ESRRA: variants seen among roughly 807,000 people sequenced by gnomAD.
The protein encoded by ESRRA is steroid hormone receptor ERR1.
ESRRA carries 7 observed loss-of-function variants against 35.6 expected under a neutral mutation model. The ratio of observed to expected loss-of-function variants is 0.20; its 90% CI spans 0.11 to 0.37. The LOEUF (loss-of-function observed/expected upper bound fraction) is 0.37, where lower values mean the gene tolerates loss of function less well. Ranked by LOEUF, ESRRA falls within the 10% of genes least tolerant of loss-of-function variation. The pLI, the probability that ESRRA is intolerant of heterozygous loss-of-function variation, is 1.00. For missense variants in ESRRA, 378 were observed against 561.7 expected (o/e 0.67, Z 3.31); for synonymous variants, 223 against 246.9 (o/e 0.90, Z 0.91).
Position 64,313,270 on chromosome 11 carries a change from C to T in ESRRA, c.326-681C>T, listed in dbSNP as rs555440196. Among the ~76,000 whole-genome samples, 52 of 152,272 alleles carry T rather than the reference C, an allele frequency of 3.4e-4. No homozygotes were observed. Among genetic ancestry groups the T allele is most frequent in the African/African-American group, 1.1e-3 (47 of 41,550 alleles). ...AGGTTTCTTCTTGGGCAAGTGAACACGTGGAGTCCACGTAGGCTGTGTTCG... is the reference window on the plus strand; with the variant it reads ...AGGTTTCTTCTTGGGCAAGTGAACATGTGGAGTCCACGTAGGCTGTGTTCG... On this transcript the variant is annotated intron_variant, in intron 2 of 6. Coordinates refer to ENST00000000442, the MANE Select transcript of ESRRA (RefSeq NM_004451.5). The surrounding 1 kb of genome is among the most constrained non-coding windows in gnomAD (Gnocchi z 4.0).
Position 64,313,832 on chromosome 11 carries a change from C to A in ESRRA, c.326-119C>A. 1.5e-6 allele frequency: 1 copy of A among 661,720 alleles called. No individual in the cohort carries two copies. Among genetic ancestry groups the A allele is most frequent in the Admixed American group, 3.0e-5 (1 of 33,402 alleles). The allele number at this position is 661,720 out of a possible 1,614,324, so 41.0% of individuals were successfully genotyped here. A position where few individuals can be genotyped will look rare whatever the true frequency, so the allele number is the denominator to read the frequency against. ...TGCCTGCTCATGGCCCCCTGCTCTC[C>A]CTTTCCTCCCCATACCCCCAGACCT... On this transcript the variant is annotated intron_variant, in intron 2 of 6. Transcript: ENST00000000442. The surrounding 1 kb of genome is among the most constrained non-coding windows in gnomAD (Gnocchi z 4.0).
chr11:64,312,329 G>A (rs1416346367), intron 2 of ESRRA, among the ~76,000 whole-genome samples: 7 of 151,720 alleles, frequency 4.6e-5, no homozygotes, highest in African/African-American at 1.7e-4. Context: ...TAGTAGAGAC[G>A]GGGTTTTACC....
chr11:64,310,695 C>A (rs1195169278), intron 2 of ESRRA, among the ~76,000 whole-genome samples: 1 of 151,826 alleles, frequency 6.6e-6, no homozygotes, highest in Non-Finnish European at 1.5e-5. Context: ...TTACAGGCGC[C>A]TGCCACCATG....
At chr11:64,312,938 A>T (rs2035171304) in intron 2 of ESRRA, among the ~76,000 whole-genome samples, 1 of 152,186 alleles carries the variant, frequency 6.6e-6, no homozygotes, top group Non-Finnish European at 1.5e-5. Flanking sequence ...GCAGGGGCGT[A>T]GGCCTAGGAG....
intron 2 of ESRRA, among the ~76,000 whole-genome samples, chr11:64,309,577 C>T (rs559216169): frequency 1.3e-4 from 20 of 151,394 alleles, no homozygotes; most frequent in African/African-American, 4.4e-4. Flanking sequence ...CTATTATTTC[C>T]GTTATTTCTG....
At chr11:64,314,178 G>C in intron 3 of ESRRA, 61 bp from the exon 4 acceptor site, 1 of 1,571,764 alleles carries the variant, frequency 6.4e-7, no homozygotes, top group Non-Finnish European at 8.6e-7. Flanking sequence ...CAGCTCTGGA[G>C]AGCAAGCCCC....
rs752474184 is a variant in ESRRA, at chr11:64,315,805, G to A, written c.1111G>A (p.Gly371Arg). The A allele has an allele frequency of 6.2e-7, 1 of 1,612,490 alleles. No homozygotes were observed. Among genetic ancestry groups the A allele is most frequent in the Non-Finnish European group, 8.5e-7 (1 of 1,179,004 alleles). The change falls in exon 7 of 7, where the codon GGG becomes AGG. Residue 371 changes from glycine (G) to arginine (R), a missense_variant. This residue lies in a region of ESRRA where 284 missense variants were observed against 411.7 expected (regional missense o/e 0.69). Transcript: ENST00000000442. ...TGAAGCCGGCCGGGCTGGCCCCGGAGGGGGTGCTGAGCGGCGGCGGGCGGG... is the reference window on the plus strand; with the variant it reads ...TGAAGCCGGCCGGGCTGGCCCCGGAAGGGGTGCTGAGCGGCGGCGGGCGGG... ...EYEAGRAGPG[G>R]GAERRRAGRL... is the part of the protein sequence containing the mutation.
rs755538454 is a variant in ESRRA, at chr11:64,315,971, A to C, written c.*5A>C. 1 of 1,559,050 alleles carries C rather than the reference A, an allele frequency of 6.4e-7. No individual in the cohort carries two copies. Among genetic ancestry groups the C allele is most frequent in the Non-Finnish European group, 8.7e-7 (1 of 1,147,916 alleles). On this transcript the variant is annotated 3_prime_UTR_variant, in exon 7 of 7. Coordinates refer to ENST00000000442, the MANE Select transcript of ESRRA (RefSeq NM_004451.5). ...CTCGAGGCCATGATGGACTGAGGCAAGGGGTGGGACTGGTGGGGGTTCTGG... is the reference window on the plus strand; with the variant it reads ...CTCGAGGCCATGATGGACTGAGGCACGGGGTGGGACTGGTGGGGGTTCTGG...
chr11:64,315,147 G>A lies in ESRRA; in HGVS notation c.889G>A (p.Ala297Thr). 1 of 1,612,840 alleles carries A rather than the reference G, an allele frequency of 6.2e-7. No homozygotes were observed. The highest frequency in any genetic ancestry group is 8.5e-7 in the Non-Finnish European group (1 of 1,180,014). Residue 297 changes from alanine (A) to threonine (T), a missense_variant, in exon 6 of 7, where the codon GCA becomes ACA. By Grantham distance (58) the Ala-to-Thr change is moderately conservative. Transcript: ENST00000000442. Reference sequence around the variant, plus strand: ...GGACTTAGTCCTGGATGAAGAGGGGGCACGGGCAGCTGGCCTGGGGGAACT... The same window carrying A: ...GGACTTAGTCCTGGATGAAGAGGGGACACGGGCAGCTGGCCTGGGGGAACT... ...AEDLVLDEEG[A>T]RAAGLGELGA... is the part of the protein sequence containing the mutation.
At position 64,316,740 on chromosome 11, in the gene ESRRA, A is replaced by G. The variant is rs760509012; in HGVS notation, c.*774A>G. On this transcript the variant is annotated 3_prime_UTR_variant, in exon 7 of 7. Transcript: ENST00000000442. Reference sequence around the variant, plus strand: ...AAAAAAATATATAATACCGAGCTCAAAAACACTGTGTTTGGTGTCATTGGG... The same window carrying G: ...AAAAAAATATATAATACCGAGCTCAGAAACACTGTGTTTGGTGTCATTGGG... 1 of 708,604 alleles carries G rather than the reference A, an allele frequency of 1.4e-6. No individual in the cohort carries two copies. The highest frequency in any genetic ancestry group is 2.5e-6 in the Non-Finnish European group (1 of 399,220). 43.9% of individuals were successfully genotyped at this position (708,604 alleles called of 1,614,324 possible). A position where few individuals can be genotyped will look rare whatever the true frequency, so the allele number is the denominator to read the frequency against.
chr11:64,310,579 CTTG>C lies in ESRRA; in HGVS notation c.325+3080_325+3082del, dbSNP rs201133166. ...TTTTTTTTTGAGATGGAGTTTTGCT[CTTG>C]TTGTCCAGGCTGGAGTGCAACGGCC... On this transcript the variant is annotated intron_variant, in intron 2 of 6. Coordinates refer to ENST00000000442, the MANE Select transcript of ESRRA (RefSeq NM_004451.5). 8.0e-3 allele frequency among the ~76,000 whole-genome samples: 756 copies of C among 94,626 alleles called. 57 individuals carry two copies. The South Asian group carries it at 0.19, about 24-fold the overall frequency. 62.1% of individuals were successfully genotyped at this position (94,626 alleles called of 152,430 possible). A position where few individuals can be genotyped will look rare whatever the true frequency, so the allele number is the denominator to read the frequency against.
At chr11:64,309,220 G>C (rs1158636129) in intron 2 of ESRRA, among the ~76,000 whole-genome samples, 5 of 151,988 alleles carry the variant, frequency 3.3e-5, no homozygotes, top group Non-Finnish European at 5.9e-5. Flanking sequence ...GGATCACGAG[G>C]TCAGGAGTTC....
rs887305726 is a variant in ESRRA, at chr11:64,316,151, T to C, written c.*185T>C. 9 of 656,254 alleles carry C rather than the reference T, an allele frequency of 1.4e-5. No homozygotes were observed. The Admixed American group carries it at 1.6e-4, about 12-fold the overall frequency. 40.7% of individuals were successfully genotyped at this position (656,254 alleles called of 1,614,324 possible). A position where few individuals can be genotyped will look rare whatever the true frequency, so the allele number is the denominator to read the frequency against. The stretch of plus-strand genomic sequence containing the variant: ...CCCCCTCCTAGGGGGTGTCAGAAGC[T>C]GGGAACGTGTGTCCAGGCTCTGGGC... On this transcript the variant is annotated 3_prime_UTR_variant, in exon 7 of 7. Coordinates refer to ENST00000000442, the MANE Select transcript of ESRRA (RefSeq NM_004451.5).
chr11:64,314,319 C>T lies in ESRRA; in HGVS notation c.523C>T (p.Pro175Ser). ...GGTGGACCCACTGCCCTTCCCGGGC[C>T]CCTTCCCTGCTGGGCCCCTGGCAGT... ...PEVDPLPFPGPFPAGPLAVAG... is the reference protein window; with the variant it reads ...PEVDPLPFPGSFPAGPLAVAG... The change falls in exon 4 of 7, where the codon CCC becomes TCC. Residue 175 changes from proline (P) to serine (S), a missense_variant. Physicochemically the swap from Pro to Ser is moderately conservative, Grantham distance 74. This residue lies in a region of ESRRA where 284 missense variants were observed against 411.7 expected (regional missense o/e 0.69). Transcript: ENST00000000442. 6.2e-7 allele frequency: 1 copy of T among 1,606,694 alleles called. No individual in the cohort carries two copies. The highest frequency in any genetic ancestry group is 8.5e-7 in the Non-Finnish European group (1 of 1,177,056).
At position 64,314,330 on chromosome 11, in the gene ESRRA, T is replaced by C. The variant is rs761970168; in HGVS notation, c.534T>C (p.Ala178=). The C allele has an allele frequency of 1.7e-5, 27 of 1,602,664 alleles. No homozygotes were observed. In the Admixed American group the frequency reaches 1.9e-4, roughly 11 times the overall value. Residue 178 remains alanine, a synonymous_variant, in exon 4 of 7, where the codon GCT becomes GCC. Coordinates refer to ENST00000000442, the MANE Select transcript of ESRRA (RefSeq NM_004451.5). ...TGCCCTTCCCGGGCCCCTTCCCTGC[T>C]GGGCCCCTGGCAGTCGCTGGAGGCC... ...DPLPFPGPFP[A]GPLAVAGGPR... is the part of the protein sequence containing the mutation.
chr11:64,314,594 G>GAGACAGTTAGCGCTCTTCCCTGGA (rs2035204102), intron 4 of ESRRA, 147 bp from the exon 5 acceptor site: 6 of 935,570 alleles, frequency 6.4e-6, no homozygotes, highest in Admixed American at 2.9e-5. Flanking sequence ...CTTTCCCTGG[G>GAGACAGTTAGCGCTCTTCCCTGGA]AGACAGTTAG....
At position 64,316,634 on chromosome 11, in the gene ESRRA, G is replaced by A; in HGVS notation, c.*668G>A. On this transcript the variant is annotated 3_prime_UTR_variant, in exon 7 of 7. Coordinates refer to ENST00000000442, the MANE Select transcript of ESRRA (RefSeq NM_004451.5). Reference sequence around the variant, plus strand: ...GACATGGGGCAAGCCAGGGCCCAGAGCCCTTGGCTGTACAGAGACTCTATT... The same window carrying A: ...GACATGGGGCAAGCCAGGGCCCAGAACCCTTGGCTGTACAGAGACTCTATT... The A allele has an allele frequency of 1.9e-6, 1 of 527,632 alleles. No individual in the cohort carries two copies. Among genetic ancestry groups the A allele is most frequent in the South Asian group, 2.2e-5 (1 of 44,948 alleles). The allele number at this position is 527,632 out of a possible 1,614,324, so 32.7% of individuals were successfully genotyped here. A position where few individuals can be genotyped will look rare whatever the true frequency, so the allele number is the denominator to read the frequency against.
In ESRRA at chr11:64,315,757, C is replaced by G; in HGVS notation, c.1063C>G (p.Leu355Val). 1.2e-6 allele frequency: 2 copies of G among 1,613,922 alleles called. No individual in the cohort carries two copies. Among genetic ancestry groups the G allele is most frequent in the Non-Finnish European group, 1.7e-6 (2 of 1,179,796 alleles). The change falls in exon 7 of 7, where the codon CTG becomes GTG. Residue 355 changes from leucine (L) to valine (V), a missense_variant. Physicochemically the swap from Leu to Val is conservative, Grantham distance 32. Transcript: ENST00000000442. ...AEAVEQLREA[L>V]HEALLEYEAG... is the part of the protein sequence containing the mutation. ...GGCTGTGGAGCAGCTGCGAGAAGCT[C>G]TGCACGAGGCCCTGCTGGAGTATGA...
intron 2 of ESRRA, among the ~76,000 whole-genome samples, chr11:64,309,037 G>T (rs2035090015): frequency 6.6e-6 from 1 of 151,976 alleles, no homozygotes; most frequent in Admixed American, 6.6e-5. Context: ...CTTGAACCTG[G>T]GAGGCAGAGG....
Sources: allele counts gnomAD v4.1 joint callset (sites outside exome capture counted in the v4.1 genomes callset), GRCh38; gene constraint gnomAD v4.1.1; regional missense constraint gnomAD v4.1.1; non-coding constraint Gnocchi (gnomAD v3.1); transcripts MANE v1.5; gene names NCBI Gene and HGNC (gene_info 2026-07-23, HGNC 2026-07-21).